Variants in SEPTIN12 observed in about 807,000 individuals in gnomAD.
SEPTIN12 encodes septin-12.
SEPTIN12 carries 42 observed loss-of-function variants against 37.7 expected under a neutral mutation model. The observed-to-expected ratio is 1.11, with a 90% CI of 0.87 to 1.44. The LOEUF is 1.44. SEPTIN12 is among the 40% of genes most tolerant of loss of function. The pLI is 0.00. For missense variants in SEPTIN12, 613 were observed against 479.2 expected, an observed-to-expected ratio of 1.28 and a Z score of -2.61; for synonymous variants, 254 against 196.7, an observed-to-expected ratio of 1.29 and a Z score of -2.44.
Position 4,784,053 on chromosome 16 carries a change from C to T in SEPTIN12, c.390G>A (p.Leu130=). 1 of 1,614,122 alleles carries T rather than the reference C, an allele frequency of 6.2e-7. No homozygotes were observed. The highest frequency in any genetic ancestry group is 8.5e-7 in the Non-Finnish European group (1 of 1,180,008). The change falls in exon 5 of 10, where the codon CTG becomes CTA. Residue 130 remains leucine, a synonymous_variant. Coordinates refer to ENST00000268231, the MANE Select transcript of SEPTIN12 (RefSeq NM_144605.5). ...INNDNCWDPI[L]GYINEQYEQY... ...GCTCGTATTGCTCGTTGATGTAGCC[C>T]AGGATGGGGTCCCAGCTGAGGCGGG...
rs571776445 is a variant in SEPTIN12, at chr16:4,778,965, C to T, written c.823+725G>A. Among the ~76,000 whole-genome samples the T allele has an allele frequency of 2.8e-4, 43 of 151,816 alleles. No individual in the cohort carries two copies. The South Asian group carries it at 7.1e-3, about 25-fold the overall frequency. ...CCAGCCTGGCAACATAGTGAAACCCCGTCTCTCATAAACATACAAAAAATT... is the reference window on the plus strand; with the variant it reads ...CCAGCCTGGCAACATAGTGAAACCCTGTCTCTCATAAACATACAAAAAATT... On this transcript the variant is annotated intron_variant, in intron 8 of 9. Coordinates refer to ENST00000268231, the MANE Select transcript of SEPTIN12 (RefSeq NM_144605.5).
At chr16:4,788,686 A>G (rs970277295), upstream of SEPTIN12, 1 of 152,202 alleles carries the variant, frequency 6.6e-6, no homozygotes, top group Non-Finnish European at 1.5e-5. Flanking sequence ...TTGCTTTAGC[A>G]AATATTTACC....
intron 2 of SEPTIN12, among the ~76,000 whole-genome samples, chr16:4,787,174 C>A (rs1166533819): frequency 6.6e-6 from 1 of 152,118 alleles, no homozygotes; most frequent in Non-Finnish European, 1.5e-5. Flanking sequence ...CCATGCCCGG[C>A]CTCATTTTTG....
chr16:4,783,601 TG>T (rs2082397753), intron 6 of SEPTIN12, 44 bp from the exon 7 acceptor site: 2 of 1,611,124 alleles, frequency 1.2e-6, no homozygotes, highest in African/African-American at 2.7e-5. Context: ...CTGCCCACTC[TG>T]CCCTCTGCCC....
chr16:4,784,727 G>A (rs1324579079), intron 4 of SEPTIN12, among the ~76,000 whole-genome samples: 2 of 151,334 alleles, frequency 1.3e-5, no homozygotes, highest in African/African-American at 2.4e-5. Context: ...CCATGATCTC[G>A]CCACTGCACT....
Position 4,777,862 on chromosome 16 carries a change from G to A in SEPTIN12, c.1012C>T (p.Leu338=), listed in dbSNP as rs1235995100. The A allele has an allele frequency of 2.5e-6, 4 of 1,596,464 alleles. No individual in the cohort carries two copies. Among genetic ancestry groups the A allele is most frequent in the Admixed American group, 1.8e-5 (1 of 56,286 alleles). The change falls in exon 10 of 10, where the codon CTG becomes TTG. Residue 338 remains leucine (L), a synonymous_variant. Coordinates refer to ENST00000268231, the MANE Select transcript of SEPTIN12 (RefSeq NM_144605.5). ...ACCTTGAAGGTCCGGGGGGTGGTCAGCTGTCCTGGGGAGGCCGGGGCCAGG... is the reference window on the plus strand; with the variant it reads ...ACCTTGAAGGTCCGGGGGGTGGTCAACTGTCCTGGGGAGGCCGGGGCCAGG... The part of the protein sequence containing the change: ...VNLAPASPGQ[L]TTPRTFKVCR...
chr16:4,779,664 A>G (rs1351998920), intron 8 of SEPTIN12, 26 bp downstream of exon 8: 11 of 1,468,540 alleles, frequency 7.5e-6, no homozygotes, highest in South Asian at 6.8e-5. Flanking sequence ...CCCCACCTGC[A>G]TCCTACCCAG....
chr16:4,777,942 C>T lies in SEPTIN12; in HGVS notation c.932G>A (p.Arg311His), dbSNP rs754691326. The T allele has an allele frequency of 8.8e-5, 141 of 1,609,166 alleles. No individual in the cohort carries two copies. Among genetic ancestry groups the T allele is most frequent in the Non-Finnish European group, 7.1e-5 (84 of 1,178,066 alleles). ...GTGGCTTTCATTGAGTCTGATGACG[C>T]GGTAGTTCTCATAGTGGATGTTGTG... is the stretch of plus-strand genomic sequence containing the variant. ...ITHNIHYENY[R>H]VIRLNESHLL... Residue 311 changes from arginine (R) to histidine (H), a missense_variant, in exon 10 of 10, where the codon CGC becomes CAC. Arg to His is a conservative substitution (Grantham distance 29, BLOSUM62 0). Coordinates refer to ENST00000268231, the MANE Select transcript of SEPTIN12 (RefSeq NM_144605.5).
At chr16:4,791,615 C>T (rs551298572), upstream of SEPTIN12, among the ~76,000 whole-genome samples, 8 of 152,266 alleles carry the variant, frequency 5.3e-5, no homozygotes, top group African/African-American at 1.9e-4. Context: ...TCTGACTCAC[C>T]GGAACCACTC....
In SEPTIN12 at chr16:4,777,645, C is replaced by G; in HGVS notation, c.*152G>C. On this transcript the variant is annotated 3_prime_UTR_variant, in exon 10 of 10. Coordinates refer to ENST00000268231, the MANE Select transcript of SEPTIN12 (RefSeq NM_144605.5). ...CCAGCCTTTTTATTTGTGGATAGCT[C>G]AAAGAAGTCATTTACAAAATGCCTT... 1.6e-6 allele frequency: 1 copy of G among 641,916 alleles called. No homozygotes were observed. The highest frequency in any genetic ancestry group is 2.2e-5 in the South Asian group (1 of 46,216). 39.8% of individuals were successfully genotyped at this position (641,916 alleles called of 1,614,324 possible). A position where few individuals can be genotyped will look rare whatever the true frequency, so the allele number is the denominator to read the frequency against.
intron 7 of SEPTIN12, among the ~76,000 whole-genome samples, chr16:4,781,863 C>T (rs1056824304): frequency 5.3e-5 from 8 of 150,510 alleles, no homozygotes; most frequent in South Asian, 2.1e-4. Flanking sequence ...AGGCTGGTCT[C>T]GAACTCCCGA....
Position 4,785,880 on chromosome 16 carries a change from C to T in SEPTIN12, c.301G>A (p.Glu101Lys), listed in dbSNP as rs767673025. The T allele has an allele frequency of 1.2e-6, 2 of 1,613,738 alleles. No homozygotes were observed. Among genetic ancestry groups the T allele is most frequent in the Non-Finnish European group, 1.7e-6 (2 of 1,179,926 alleles). Residue 101 changes from glutamate (E) to lysine (K), a missense_variant, in exon 4 of 10, where the codon GAG (glutamate) becomes AAG (lysine). Coordinates refer to ENST00000268231, the MANE Select transcript of SEPTIN12 (RefSeq NM_144605.5). ...QLHSLTHVIE[E>K]KGVKLKLTVT... Reference sequence around the variant, plus strand: ...GTCAGCTTCAGCTTCACACCCTTCTCCTCTATGACTGTGGAGGGAGAGCAG... The same window carrying T: ...GTCAGCTTCAGCTTCACACCCTTCTTCTCTATGACTGTGGAGGGAGAGCAG...
rs2082332689 is a variant in SEPTIN12, at chr16:4,778,035, T to A, written c.876-37A>T. On this transcript the variant is annotated intron_variant, in intron 9 of 9. Coordinates refer to ENST00000268231, the MANE Select transcript of SEPTIN12 (RefSeq NM_144605.5). ...GAGACGGTCAGCCCCGATGGTGGTG[T>A]CCCCAGGGCCCCTCGCCAGCCCCCT... 10 of 1,612,416 alleles carry A rather than the reference T, an allele frequency of 6.2e-6. No individual in the cohort carries two copies. In the East Asian group the frequency reaches 2.2e-4, roughly 36 times the overall value.
At position 4,785,994 on chromosome 16, in the gene SEPTIN12, T is replaced by C; in HGVS notation, c.278A>G (p.His93Arg). 6.2e-6 allele frequency: 10 copies of C among 1,613,262 alleles called. No homozygotes were observed. Among genetic ancestry groups the C allele is most frequent in the Non-Finnish European group, 5.9e-6 (7 of 1,179,540 alleles). ...GGCTCACTCACCATGGGTCAGTGAATGCAGCTGCAGCGTCTGGGGTGTGGG... is the reference window on the plus strand; with the variant it reads ...GGCTCACTCACCATGGGTCAGTGAACGCAGCTGCAGCGTCTGGGGTGTGGG... ...GVPTPQTLQL[H>R]SLTHVIEEKG... Residue 93 changes from histidine to arginine, a missense_variant, in exon 3 of 10, where the codon CAT (histidine) becomes CGT (arginine). By Grantham distance (29) the His-to-Arg change is conservative. Coordinates refer to ENST00000268231, the MANE Select transcript of SEPTIN12 (RefSeq NM_144605.5).
Position 4,788,299 on chromosome 16 carries a change from G to C in SEPTIN12, c.-42C>G, listed in dbSNP as rs1199226586. The C allele has an allele frequency of 6.5e-6, 1 of 153,620 alleles. No homozygotes were observed. Among genetic ancestry groups the C allele is most frequent in the African/African-American group, 2.4e-5 (1 of 41,428 alleles). The allele number at this position is 153,620 out of a possible 1,614,324, so 9.5% of individuals were successfully genotyped here. A position where few individuals can be genotyped will look rare whatever the true frequency, so the allele number is the denominator to read the frequency against. On this transcript the variant is annotated 5_prime_UTR_variant, in exon 1 of 10. Transcript: ENST00000268231. ...TGACACCTGGTGGACGTGGGTCCTG[G>C]TGGAGCTTCCAGGAGCTGCCTTGTC...
intron 7 of SEPTIN12, among the ~76,000 whole-genome samples, chr16:4,783,053 G>A (rs974485187): frequency 2.6e-5 from 4 of 151,368 alleles, no homozygotes; most frequent in African/African-American, 9.7e-5. Context: ...GACTAAAGGC[G>A]TGCACCACCA....
rs143573935 is a variant in SEPTIN12, at chr16:4,785,833, G to A, written c.348C>T (p.Phe116=). The part of the protein sequence containing the change: ...LKLTVTDTPG[F]GDQINNDNCW... Reference sequence around the variant, plus strand: ...AGTTGTCATTGTTGATCTGGTCCCCGAAGCCGGGCGTGTCCGTCACCGTCA... The same window carrying A: ...AGTTGTCATTGTTGATCTGGTCCCCAAAGCCGGGCGTGTCCGTCACCGTCA... Residue 116 remains phenylalanine, a synonymous_variant, in exon 4 of 10, where the codon TTC becomes TTT. Coordinates refer to ENST00000268231, the MANE Select transcript of SEPTIN12 (RefSeq NM_144605.5). 25 of 1,610,628 alleles carry A rather than the reference G, an allele frequency of 1.6e-5. No homozygotes were observed. In the South Asian group the frequency reaches 2.5e-4, roughly 16 times the overall value.
intron 1 of SEPTIN12, chr16:4,787,959 G>A: frequency 3.4e-6 from 1 of 298,072 alleles, no homozygotes; most frequent in Non-Finnish European, 6.3e-6. Context: ...TCCCCCAGCA[G>A]AGCCTGGAGG....
intron 1 of SEPTIN12, 166 bp from the exon 2 acceptor site, chr16:4,787,833 G>T (rs2082484205): frequency 3.4e-6 from 2 of 583,802 alleles, no homozygotes; most frequent in East Asian, 5.7e-5. Flanking sequence ...TGTGGCAAGG[G>T]TGCCTGTGGG....
Sources: allele counts gnomAD v4.1 joint callset (sites outside exome capture counted in the v4.1 genomes callset), GRCh38; gene constraint gnomAD v4.1.1; transcripts MANE v1.5; gene names NCBI Gene and HGNC (gene_info 2026-07-23, HGNC 2026-07-21).